PPFIA2: variants seen among roughly 807,000 people sequenced by gnomAD.
PPFIA2 encodes the protein liprin-alpha-2.
A neutral mutation model predicts 175.5 loss-of-function variants in PPFIA2; 46 were observed. The observed-to-expected ratio is 0.26, with a 90% CI of 0.21 to 0.34. PPFIA2 has a LOEUF of 0.34. PPFIA2 is among the 10% of genes least tolerant of loss of function. The probability of loss-of-function intolerance (pLI) is 1.00; values close to 1 mark genes in which losing one functional copy is unlikely to be tolerated. For missense variants in PPFIA2, 1,179 were observed against 1,506.1 expected, an observed-to-expected ratio of 0.78 and a Z score of 3.60; for synonymous variants, 568 against 511.4, an observed-to-expected ratio of 1.11 and a Z score of -1.49.
At chr12:81,463,196 T>C (rs922161258) in intron 4 of PPFIA2, among the ~76,000 whole-genome samples, 3 of 151,990 alleles carry the variant, frequency 2.0e-5, no homozygotes, top group Non-Finnish European at 4.4e-5. Context: ...ATGGAAAGAT[T>C]TCAAAAATAT....
At chr12:81,580,220 G>A (rs2074200700) in intron 4 of PPFIA2, among the ~76,000 whole-genome samples, 1 of 151,798 alleles carries the variant, frequency 6.6e-6, no homozygotes, top group African/African-American at 2.4e-5. Flanking sequence ...CTTTACATAT[G>A]CAGTATCTCA....
chr12:81,654,866 C>T (rs1596050296), intron 4 of PPFIA2, among the ~76,000 whole-genome samples: 1 of 152,118 alleles, frequency 6.6e-6, no homozygotes, highest in South Asian at 2.1e-4. Context: ...TTTTAACTGT[C>T]TGTTAGAGCT....
chr12:81,455,008 C>G (rs1210773245), intron 5 of PPFIA2, among the ~76,000 whole-genome samples: 1 of 152,036 alleles, frequency 6.6e-6, no homozygotes. Flanking sequence ...GCCACCATGC[C>G]CAGCTATCAC....
chr12:81,509,096 C>T (rs1594218175), intron 4 of PPFIA2, among the ~76,000 whole-genome samples: 2 of 151,738 alleles, frequency 1.3e-5, no homozygotes, highest in African/African-American at 2.4e-5. Context: ...AGTAAACTAT[C>T]GCAAGAGTTT....
intron 4 of PPFIA2, among the ~76,000 whole-genome samples, chr12:81,635,117 T>C (rs1317689944): frequency 6.6e-6 from 1 of 152,196 alleles, no homozygotes; most frequent in Non-Finnish European, 1.5e-5. Flanking sequence ...AAATTTCAAA[T>C]GGAAAATCTA....
chr12:81,651,284 G>C (rs11114961), intron 4 of PPFIA2, among the ~76,000 whole-genome samples: 9,253 of 152,206 alleles, frequency 0.061, 421 homozygotes, highest in East Asian at 0.25. Flanking sequence ...GGAGCTGGGA[G>C]ATAAATGAGA....
chr12:81,358,083 T>C lies in PPFIA2; in HGVS notation c.1772A>G (p.Lys591Arg). The change falls in exon 16 of 33, where the codon AAG becomes AGG. Residue 591 changes from lysine (K) to arginine (R), a missense_variant and splice_region_variant. This residue lies in a region of PPFIA2 where 186 missense variants were observed against 163.6 expected (regional missense o/e 1.14). Transcript: ENST00000549396. ...AAGAGTTGAAGTTAAAAGATTAACCTTTGGCTCATCTCTTCGCACACCCAT... is the reference window on the plus strand; with the variant it reads ...AAGAGTTGAAGTTAAAAGATTAACCCTTGGCTCATCTCTTCGCACACCCAT... ...GRMGVRRDEP[K>R]VKSLGDHEWN... The C allele has an allele frequency of 6.3e-7, 1 of 1,594,162 alleles. No homozygotes were observed. Among genetic ancestry groups the C allele is most frequent in the East Asian group, 2.3e-5 (1 of 44,396 alleles).
chr12:81,509,783 G>A (rs1462173149), intron 4 of PPFIA2, among the ~76,000 whole-genome samples: 1 of 152,096 alleles, frequency 6.6e-6, no homozygotes, highest in Non-Finnish European at 1.5e-5. Context: ...GAACTTGGAC[G>A]TCATCTTTAA....
intron 22 of PPFIA2, 111 bp downstream of exon 22, chr12:81,325,666 T>G: frequency 1.4e-6 from 1 of 712,026 alleles, no homozygotes; most frequent in South Asian, 1.9e-5. Context: ...CTGGAAAATA[T>G]TGGCTTCAAT....
rs59088035 is a variant in PPFIA2 at position 81,636,578 on chromosome 12, T to TAA, written c.303+40211_303+40212dup. Among the ~76,000 whole-genome samples, 223 of 142,892 alleles carry TAA rather than the reference T, an allele frequency of 1.6e-3. 1 individual carries two copies. Among genetic ancestry groups the TAA allele is most frequent in the African/African-American group, 4.1e-3 (161 of 39,096 alleles). 93.7% of individuals were successfully genotyped at this position (142,892 alleles called of 152,430 possible). ...CCGCGCCCGGCCAACTCTCTGATAT[T>TAA]AAAAAAAAAAAAAGTAAAGGAAAAG... On this transcript the variant is annotated intron_variant, in intron 4 of 32. Coordinates refer to ENST00000549396, the MANE Select transcript of PPFIA2 (RefSeq NM_003625.5).
intron 2 of PPFIA2, 144 bp from the exon 3 acceptor site, chr12:81,754,367 C>T: frequency 9.8e-7 from 1 of 1,025,600 alleles, no homozygotes. Flanking sequence ...TCCAGCCAAG[C>T]AAAATGTTTT....
intron 4 of PPFIA2, among the ~76,000 whole-genome samples, chr12:81,622,675 A>C (rs976239404): frequency 2.6e-5 from 4 of 152,268 alleles, no homozygotes; most frequent in African/African-American, 9.6e-5. Context: ...TCAGAGATGA[A>C]AATAACTGAT....
chr12:81,339,504 T>G (rs925287403), intron 20 of PPFIA2, among the ~76,000 whole-genome samples, 170 bp from the exon 21 acceptor site: 2 of 152,026 alleles, frequency 1.3e-5, no homozygotes, highest in Non-Finnish European at 2.9e-5. Flanking sequence ...TTTTCAGCCT[T>G]TGGGCCCTGA....
chr12:81,315,409 G>T (rs1186598434), intron 22 of PPFIA2, among the ~76,000 whole-genome samples: 2 of 151,724 alleles, frequency 1.3e-5, no homozygotes, highest in Non-Finnish European at 3.0e-5. Context: ...AATTTTGAGG[G>T]TGTTGAAATT....
At chr12:81,447,338 C>A (rs2051481964) in intron 5 of PPFIA2, among the ~76,000 whole-genome samples, 2 of 152,012 alleles carry the variant, frequency 1.3e-5, no homozygotes, top group African/African-American at 4.8e-5. Context: ...GTCTGTTTTT[C>A]CAGTGGCATC....
intron 4 of PPFIA2, among the ~76,000 whole-genome samples, chr12:81,544,509 C>T (rs746800052): frequency 2.6e-4 from 40 of 152,068 alleles, no homozygotes; most frequent in Admixed American, 5.9e-4. Flanking sequence ...TTTTGAATGT[C>T]TCTTTGAACA....
intron 4 of PPFIA2, among the ~76,000 whole-genome samples, chr12:81,556,193 G>T (rs1318296934): frequency 2.0e-5 from 3 of 151,860 alleles, no homozygotes; most frequent in East Asian, 1.9e-4. Flanking sequence ...TCATCAAAAT[G>T]AAATGTTATT....
intron 4 of PPFIA2, among the ~76,000 whole-genome samples, chr12:81,496,440 A>G (rs1218156269): frequency 6.6e-6 from 1 of 152,194 alleles, no homozygotes; most frequent in Non-Finnish European, 1.5e-5. Flanking sequence ...TATTGGGGTT[A>G]TAATAGGAGA....
intron 8 of PPFIA2, among the ~76,000 whole-genome samples, chr12:81,392,576 C>G (rs1377365277): frequency 1.3e-5 from 2 of 151,774 alleles, no homozygotes; most frequent in African/African-American, 4.8e-5. Context: ...TTCACCCCTG[C>G]CATATTATAT....
Sources: allele counts gnomAD v4.1 joint callset (sites outside exome capture counted in the v4.1 genomes callset), GRCh38; gene constraint gnomAD v4.1.1; regional missense constraint gnomAD v4.1.1; transcripts MANE v1.5; gene names NCBI Gene and HGNC (gene_info 2026-07-23, HGNC 2026-07-21).